The following CUL3 variants were observed in gnomAD, a reference collection of about 807,000 sequenced individuals.
CUL3 encodes cullin-3.
CUL3 carries 19 observed loss-of-function variants against 89.1 expected under a neutral mutation model. The ratio of observed to expected loss-of-function variants is 0.21; its 90% CI spans 0.15 to 0.31. The LOEUF is 0.31. CUL3 is among the 10% of genes least tolerant of loss of function. CUL3 has a pLI of 1.00. For synonymous variants in CUL3, 351 were observed against 308.4 expected, an observed-to-expected ratio of 1.14 and a Z score of -1.45; for missense variants, 469 against 942.3, an observed-to-expected ratio of 0.50 and a Z score of 6.58.
intron 3 of CUL3, among the ~76,000 whole-genome samples, chr2:224,520,969 G>A (rs1349496610): frequency 6.6e-6 from 1 of 152,200 alleles, no homozygotes; most frequent in East Asian, 1.9e-4. Flanking sequence ...GCAAAGTCAA[G>A]GGGTGTCTCT....
rs1249133717 is a variant in CUL3 at position 224,495,945 on chromosome 2, C to G, written c.1729G>C (p.Val577Leu). ...VKKEDGSEVGVGGAQVTGSNT... is the reference protein window; with the variant it reads ...VKKEDGSEVGLGGAQVTGSNT... ...GAGCCAGTTACTTGTGCACCTCCAACACCAACTTCAGATCCATCTTCCTGT... is the reference window on the plus strand; with the variant it reads ...GAGCCAGTTACTTGTGCACCTCCAAGACCAACTTCAGATCCATCTTCCTGT... The change falls in exon 13 of 16, where the codon GTT becomes CTT. Residue 577 changes from valine (V) to leucine (L), a missense_variant. Coordinates refer to ENST00000264414, the MANE Select transcript of CUL3 (RefSeq NM_003590.5). The G allele has an allele frequency of 6.2e-7, 1 of 1,611,886 alleles. No homozygotes were observed. Among genetic ancestry groups the G allele is most frequent in the East Asian group, 2.2e-5 (1 of 44,858 alleles).
chr2:224,489,945 G>A (rs928498536), intron 13 of CUL3, among the ~76,000 whole-genome samples: 1 of 152,034 alleles, frequency 6.6e-6, no homozygotes. Context: ...AAATTTTTGC[G>A]ATCTATCCAT....
chr2:224,559,588 T>C (rs962397965), intron 1 of CUL3, among the ~76,000 whole-genome samples: 1 of 152,124 alleles, frequency 6.6e-6, no homozygotes, highest in Non-Finnish European at 1.5e-5. Context: ...AGATTGTACA[T>C]GCACTGTCTC....
rs536359819 is a variant in CUL3 at position 224,543,417 on chromosome 2, A to G, written c.265-7776T>C. Among the ~76,000 whole-genome samples, 23 of 152,244 alleles carry G rather than the reference A, an allele frequency of 1.5e-4. No homozygotes were observed. In the East Asian group the frequency reaches 2.3e-3, roughly 15 times the overall value. On this transcript the variant is annotated intron_variant, in intron 2 of 15. Coordinates refer to ENST00000264414, the MANE Select transcript of CUL3 (RefSeq NM_003590.5). ...GGACATTAAAAAGTATCACAGAGGT[A>G]CAATAACTCAAAGGTATGTCATTCT...
intron 1 of CUL3, among the ~76,000 whole-genome samples, chr2:224,564,948 C>T (rs1014987525): frequency 3.3e-5 from 5 of 151,938 alleles, no homozygotes; most frequent in Admixed American, 6.6e-5. Context: ...TTTTTCTTAT[C>T]TCTCATCTCC....
chr2:224,574,450 TA>T (rs1393530907), intron 1 of CUL3, among the ~76,000 whole-genome samples: 1 of 152,204 alleles, frequency 6.6e-6, no homozygotes, highest in African/African-American at 2.4e-5. Context: ...TCCTCACCTT[TA>T]AAAAAGATTC....
intron 1 of CUL3, among the ~76,000 whole-genome samples, chr2:224,563,959 AAG>A (rs1356070767): frequency 1.3e-5 from 2 of 152,146 alleles, no homozygotes; most frequent in African/African-American, 4.8e-5. Flanking sequence ...AGGAAAAAAA[AAG>A]GTATGCTGAG....
Position 224,585,255 on chromosome 2 carries a change from G to A in CUL3, c.-246C>T, listed in dbSNP as rs928887003. On this transcript the variant is annotated 5_prime_UTR_variant, in exon 1 of 16. Transcript: ENST00000264414. The stretch of plus-strand genomic sequence containing the variant: ...GGGGCTGCGCTGGCGCGGCGGCTCC[G>A]CGGGGTCCCCCTCACGTCCGGCTCG... 537 of 394,150 alleles carry A rather than the reference G, an allele frequency of 1.4e-3. 1 individual carries two copies. Among genetic ancestry groups the A allele is most frequent in the Middle Eastern group, 3.8e-3 (6 of 1,582 alleles). The allele number at this position is 394,150 out of a possible 1,614,324, so 24.4% of individuals were successfully genotyped here. A position where few individuals can be genotyped will look rare whatever the true frequency, so the allele number is the denominator to read the frequency against.
chr2:224,537,026 T>C (rs1256642274), intron 2 of CUL3, among the ~76,000 whole-genome samples: 2 of 152,208 alleles, frequency 1.3e-5, no homozygotes, highest in East Asian at 1.9e-4. Context: ...TCCTTTACCA[T>C]AGAGAATTTC....
rs1021794807 is a variant in CUL3 at position 224,473,005 on chromosome 2, T to TG, written c.*1239dup. ...AAAATGAAACAAAATTAAATAAAAT[T>TG]GAAGATAAAAATACTCTGGAAGCAC... On this transcript the variant is annotated 3_prime_UTR_variant, in exon 16 of 16. Coordinates refer to ENST00000264414, the MANE Select transcript of CUL3 (RefSeq NM_003590.5). The TG allele has an allele frequency of 1.5e-5, 3 of 200,280 alleles. No individual in the cohort carries two copies. Among genetic ancestry groups the TG allele is most frequent in the African/African-American group, 6.9e-5 (3 of 43,508 alleles). 12.4% of individuals were successfully genotyped at this position (200,280 alleles called of 1,614,324 possible).
intron 2 of CUL3, among the ~76,000 whole-genome samples, chr2:224,551,334 T>C (rs563634400): frequency 1.2e-4 from 18 of 152,068 alleles, no homozygotes; most frequent in African/African-American, 3.6e-4. Flanking sequence ...GCCTCCTGTG[T>C]AGCTGGGACT....
At chr2:224,543,014 T>C (rs956400434) in intron 2 of CUL3, among the ~76,000 whole-genome samples, 3 of 152,212 alleles carry the variant, frequency 2.0e-5, no homozygotes, top group Admixed American at 6.5e-5. Flanking sequence ...ACACACATAA[T>C]TGTTTTTAAT....
chr2:224,572,882 T>C (rs897340795), intron 1 of CUL3, among the ~76,000 whole-genome samples: 63 of 152,292 alleles, frequency 4.1e-4, no homozygotes, highest in African/African-American at 1.5e-3. Flanking sequence ...TGCAGCACCT[T>C]GATCTTGAAC....
chr2:224,493,160 A>G (rs1474594817), intron 13 of CUL3, among the ~76,000 whole-genome samples: 2 of 152,246 alleles, frequency 1.3e-5, no homozygotes, highest in African/African-American at 4.8e-5. Context: ...GAGAGATAAT[A>G]AATTGTTAGT....
chr2:224,472,206 CT>C lies in CUL3; in HGVS notation c.*2038del, dbSNP rs2106128075. The C allele has an allele frequency of 4.5e-6, 1 of 224,050 alleles. No homozygotes were observed. Among genetic ancestry groups the C allele is most frequent in the South Asian group, 1.8e-4 (1 of 5,448 alleles). 13.9% of individuals were successfully genotyped at this position (224,050 alleles called of 1,614,324 possible). A position where few individuals can be genotyped will look rare whatever the true frequency, so the allele number is the denominator to read the frequency against. The stretch of plus-strand genomic sequence containing the variant: ...TGCTCCAAAGTTAACAAGTATGTCT[CT>C]AAACTCTAGATCTGATTTTTACAGC... On this transcript the variant is annotated 3_prime_UTR_variant, in exon 16 of 16. Transcript: ENST00000264414.
intron 13 of CUL3, chr2:224,495,002 G>C (rs952776968): frequency 2.6e-5 from 4 of 151,758 alleles, no homozygotes; most frequent in African/African-American, 9.7e-5. Context: ...CGAAGGACTT[G>C]TATCCAGAAT....
At chr2:224,524,194 A>T (rs559289247) in intron 3 of CUL3, among the ~76,000 whole-genome samples, 1 of 152,270 alleles carries the variant, frequency 6.6e-6, no homozygotes, top group East Asian at 1.9e-4. Flanking sequence ...TACTGAGAGG[A>T]GCCCCATACC....
Position 224,506,033 on chromosome 2 carries a change from A to G in CUL3, c.1129T>C (p.Phe377Leu), listed in dbSNP as rs2106203182. 1 of 1,612,642 alleles carries G rather than the reference A, an allele frequency of 6.2e-7. No individual in the cohort carries two copies. Among genetic ancestry groups the G allele is most frequent in the Non-Finnish European group, 8.5e-7 (1 of 1,179,082 alleles). The stretch of plus-strand genomic sequence containing the variant: ...GGAGACCTGGAGTTGAGGTTGAGAA[A>G]ATACTCAAAGTCACCCGCAATAGTT... ...KQTIAGDFEYFLNLNSRSPEY... is the reference protein window; with the variant it reads ...KQTIAGDFEYLLNLNSRSPEY... The change falls in exon 8 of 16, where the codon TTT becomes CTT. Residue 377 changes from phenylalanine (F) to leucine (L), a missense_variant. Physicochemically the swap from Phe to Leu is conservative, Grantham distance 22 (BLOSUM62 0). Coordinates refer to ENST00000264414, the MANE Select transcript of CUL3 (RefSeq NM_003590.5).
chr2:224,489,253 G>A (rs1334319218), intron 13 of CUL3, among the ~76,000 whole-genome samples: 1 of 152,188 alleles, frequency 6.6e-6, no homozygotes, highest in Non-Finnish European at 1.5e-5. Context: ...GCAAGTTCTG[G>A]CCAGGGCAAT....
Sources: gnomAD v4.1 joint callset for allele counts (sites outside exome capture counted in the v4.1 genomes callset) on GRCh38, gnomAD v4.1.1 for gene constraint, MANE v1.5 for transcripts, NCBI Gene and HGNC (gene_info 2026-07-23, HGNC 2026-07-21) for gene names.